The following RIT2 variants were observed in gnomAD, a reference collection of about 807,000 sequenced individuals.
The protein encoded by RIT2 is Ras like without CAAX 2, also known as GTP-binding protein Rit2.
A neutral mutation model predicts 23.7 loss-of-function variants in RIT2; 24 were observed. The observed-to-expected ratio is 1.01, with a 90% CI of 0.73 to 1.43. The LOEUF (loss-of-function observed/expected upper bound fraction) is 1.43, where lower values mean the gene tolerates loss of function less well. Among genes scored for constraint, RIT2 ranks in the 40% most tolerant of loss-of-function variants. The probability of loss-of-function intolerance (pLI) is 0.00; values close to 1 mark genes in which losing one functional copy is unlikely to be tolerated. For missense variants in RIT2, 236 were observed against 266.9 expected, an observed-to-expected ratio of 0.88 and a Z score of 0.81; for synonymous variants, 107 against 91.1, an observed-to-expected ratio of 1.17 and a Z score of -0.99.
intron 4 of RIT2, among the ~76,000 whole-genome samples, chr18:42,848,357 G>A (rs1906964069): frequency 6.6e-6 from 1 of 152,138 alleles, no homozygotes; most frequent in Non-Finnish European, 1.5e-5. Context: ...TCAAGACTAT[G>A]AAGCCTAAGT....
At chr18:42,855,593 A>G (rs1490560476) in intron 4 of RIT2, among the ~76,000 whole-genome samples, 2 of 152,190 alleles carry the variant, frequency 1.3e-5, no homozygotes, top group African/African-American at 2.4e-5. Flanking sequence ...TATACCTTCT[A>G]AAAGTCACCA....
intron 4 of RIT2, among the ~76,000 whole-genome samples, chr18:42,809,174 A>G (rs539126336): frequency 1.4e-4 from 22 of 152,258 alleles, no homozygotes; most frequent in African/African-American, 5.3e-4. Context: ...AAATCATCTG[A>G]TTTGAGTCAT....
intron 4 of RIT2, among the ~76,000 whole-genome samples, chr18:42,795,312 G>C (rs1914133649): frequency 6.6e-6 from 1 of 152,212 alleles, no homozygotes; most frequent in Non-Finnish European, 1.5e-5. Flanking sequence ...GTTCCGGGTG[G>C]GCGTGGGCTT....
intron 2 of RIT2, among the ~76,000 whole-genome samples, chr18:42,977,884 AC>A (rs1910509994): frequency 6.7e-6 from 1 of 150,320 alleles, no homozygotes; most frequent in Admixed American, 6.7e-5. Flanking sequence ...GGCCAACCAT[AC>A]AATTTTTCTA....
At chr18:43,001,619 T>C (rs535258719) in intron 2 of RIT2, among the ~76,000 whole-genome samples, 3 of 152,144 alleles carry the variant, frequency 2.0e-5, no homozygotes, top group South Asian at 2.1e-4. Context: ...ATTATAAACA[T>C]AGTTGAAACT....
chr18:42,845,420 T>C (rs969681744), intron 4 of RIT2, among the ~76,000 whole-genome samples: 1 of 150,502 alleles, frequency 6.6e-6, no homozygotes, highest in African/African-American at 2.4e-5. Flanking sequence ...TTCTATATAT[T>C]TATGTACTAT....
intron 3 of RIT2, among the ~76,000 whole-genome samples, chr18:42,938,006 TCAG>T (rs1245612644): frequency 2.0e-5 from 3 of 152,120 alleles, no homozygotes; most frequent in Non-Finnish European, 1.5e-5. Flanking sequence ...TAAGGAAACT[TCAG>T]CCTGAGGCAC....
intron 4 of RIT2, among the ~76,000 whole-genome samples, chr18:42,902,099 A>G (rs1159627716): frequency 1.3e-5 from 2 of 151,938 alleles, no homozygotes; most frequent in African/African-American, 4.8e-5. Flanking sequence ...TACTAATACA[A>G]TCATGTAATG....
At chr18:43,053,803 G>A (rs1912439017) in intron 1 of RIT2, among the ~76,000 whole-genome samples, 1 of 152,058 alleles carries the variant, frequency 6.6e-6, no homozygotes, top group Non-Finnish European at 1.5e-5. Flanking sequence ...ATTGTTTTAT[G>A]CTTTCATATG....
chr18:42,942,108 A>G (rs1568035921), intron 3 of RIT2, among the ~76,000 whole-genome samples: 1 of 152,134 alleles, frequency 6.6e-6, no homozygotes, highest in Non-Finnish European at 1.5e-5. Flanking sequence ...TCAAGTAAAA[A>G]AAAAAAACAG....
chr18:42,846,559 C>G (rs1412041850), intron 4 of RIT2, among the ~76,000 whole-genome samples: 1 of 151,732 alleles, frequency 6.6e-6, no homozygotes, highest in Non-Finnish European at 1.5e-5. Flanking sequence ...TACTGGCAAA[C>G]CAAATCCATC....
intron 4 of RIT2, among the ~76,000 whole-genome samples, chr18:42,893,017 T>A (rs1908222635): frequency 6.6e-6 from 1 of 152,160 alleles, no homozygotes; most frequent in African/African-American, 2.4e-5. Context: ...AGATGGTCAG[T>A]AGGTCCTAAA....
At chr18:42,953,518 G>A (rs935675241) in intron 3 of RIT2, among the ~76,000 whole-genome samples, 1 of 152,154 alleles carries the variant, frequency 6.6e-6, no homozygotes, top group Non-Finnish European at 1.5e-5. Context: ...GCCAGTGGTA[G>A]CATGATTCTC....
At chr18:43,051,943 C>G (rs977316525) in intron 1 of RIT2, among the ~76,000 whole-genome samples, 3 of 152,074 alleles carry the variant, frequency 2.0e-5, no homozygotes, top group Non-Finnish European at 4.4e-5. Flanking sequence ...CTCTTGTCTT[C>G]TTACCTGATT....
At position 42,808,465 on chromosome 18, in the gene RIT2, C is replaced by T. The variant is rs1044746745; in HGVS notation, c.427-64745G>A. ...AGATCCACAGTTCTGTCTTTAAAGACGAAACCTGATTCTATATCTTATTTC... is the reference window on the plus strand; with the variant it reads ...AGATCCACAGTTCTGTCTTTAAAGATGAAACCTGATTCTATATCTTATTTC... On this transcript the variant is annotated intron_variant, in intron 4 of 4. Transcript: ENST00000326695. 5.3e-5 allele frequency among the ~76,000 whole-genome samples: 8 copies of T among 152,144 alleles called. No individual in the cohort carries two copies. In the South Asian group the frequency reaches 6.2e-4, roughly 12 times the overall value.
At position 42,906,534 on chromosome 18, in the gene RIT2, A is replaced by G. The variant is rs754607836; in HGVS notation, c.426+17038T>C. Among the ~76,000 whole-genome samples, 11 of 152,300 alleles carry G rather than the reference A, an allele frequency of 7.2e-5. 1 individual carries two copies. In the East Asian group the frequency reaches 1.2e-3, roughly 16 times the overall value. Reference sequence around the variant, plus strand: ...AAACAGGGTAATTCTTAATTTAAAAAGTAGCATGATACACTTAAGACACTC... The same window carrying G: ...AAACAGGGTAATTCTTAATTTAAAAGGTAGCATGATACACTTAAGACACTC... On this transcript the variant is annotated intron_variant, in intron 4 of 4. Coordinates refer to ENST00000326695, the MANE Select transcript of RIT2 (RefSeq NM_002930.4).
chr18:42,748,268 G>A, intron 4 of RIT2, among the ~76,000 whole-genome samples: 1 of 151,956 alleles, frequency 6.6e-6, no homozygotes, highest in Non-Finnish European at 1.5e-5. Context: ...CCATCAAAAA[G>A]TGGGCTAAGG....
chr18:42,918,678 A>G (rs969593416), intron 4 of RIT2, among the ~76,000 whole-genome samples: 3 of 152,138 alleles, frequency 2.0e-5, no homozygotes, highest in African/African-American at 7.2e-5. Flanking sequence ...TCTTTGATTA[A>G]ATGTGTCTAC....
chr18:43,108,649 C>T (rs1254086616), intron 1 of RIT2, among the ~76,000 whole-genome samples: 3 of 152,140 alleles, frequency 2.0e-5, no homozygotes, highest in Non-Finnish European at 4.4e-5. Flanking sequence ...CTACAGAGTG[C>T]ATATAATCTT....
Sources: allele counts gnomAD v4.1 joint callset (sites outside exome capture counted in the v4.1 genomes callset), GRCh38; gene constraint gnomAD v4.1.1; transcripts MANE v1.5; gene names NCBI Gene and HGNC (gene_info 2026-07-23, HGNC 2026-07-21).